The following ROBO2 variants were observed in gnomAD, a reference collection of about 807,000 sequenced individuals.
ROBO2 encodes roundabout guidance receptor 2.
ROBO2 carries 53 observed loss-of-function variants against 160.8 expected under a neutral mutation model. The ratio of observed to expected loss-of-function variants is 0.33; its 90% CI spans 0.26 to 0.41. The LOEUF is 0.41. ROBO2 is among the 10% of genes least tolerant of loss of function. ROBO2 has a pLI of 1.00. For synonymous variants in ROBO2, 664 were observed against 611.7 expected (o/e 1.09, Z -1.26); for missense variants, 1,577 against 1,722.4 (o/e 0.92, Z 1.49).
At chr3:76,805,218 G>C (rs1389406289) in intron 2 of ROBO2, among the ~76,000 whole-genome samples, 1 of 151,934 alleles carries the variant, frequency 6.6e-6, no homozygotes, top group Non-Finnish European at 1.5e-5. Flanking sequence ...GTCAATACAA[G>C]CGCCTTCCCT....
intron 2 of ROBO2, among the ~76,000 whole-genome samples, chr3:76,426,651 A>C (rs6765143): frequency 0.67 from 101,579 of 151,884 alleles, 34,767 homozygotes; most frequent in African/African-American, 0.83. Flanking sequence ...GCTTAGATGA[A>C]AGGGGTGATT....
chr3:76,954,852 T>C (rs539162831), intron 2 of ROBO2, among the ~76,000 whole-genome samples: 36 of 152,344 alleles, frequency 2.4e-4, no homozygotes, highest in African/African-American at 5.8e-4. Flanking sequence ...AGAATTTCCA[T>C]GTACACATAA....
intron 1 of ROBO2, among the ~76,000 whole-genome samples, chr3:75,929,909 G>T (rs910524547): frequency 1.3e-5 from 2 of 152,106 alleles, no homozygotes; most frequent in Admixed American, 1.3e-4. Flanking sequence ...TGGCCAGGCT[G>T]GTCTCGAACT....
At chr3:76,209,247 T>C (rs953397178) in intron 2 of ROBO2, among the ~76,000 whole-genome samples, 3 of 152,208 alleles carry the variant, frequency 2.0e-5, no homozygotes, top group Non-Finnish European at 2.9e-5. Flanking sequence ...ATTTTTGCTT[T>C]CCTGTCAGAC....
intron 2 of ROBO2, among the ~76,000 whole-genome samples, chr3:76,549,574 T>A (rs988311680): frequency 6.6e-6 from 1 of 152,252 alleles, no homozygotes. Context: ...GCAGAAAATA[T>A]GCCTGTACCT....
exon 26 of ROBO2, chr3:77,649,339 G>C (rs2095433654): frequency 6.6e-6 from 1 of 152,154 alleles, no homozygotes; most frequent in South Asian, 2.1e-4. Flanking sequence ...TTTGTAATGT[G>C]CTTTGATGGA....
intron 2 of ROBO2, among the ~76,000 whole-genome samples, chr3:76,612,969 T>A (rs1333445098): frequency 6.6e-6 from 1 of 152,190 alleles, no homozygotes. Context: ...TATATGTGTC[T>A]TTATAGGTGA....
intron 16 of ROBO2, 148 bp downstream of exon 17, chr3:77,580,266 G>GT: frequency 6.4e-6 from 5 of 781,624 alleles, no homozygotes; most frequent in South Asian, 4.5e-5. Context: ...ACTGACTAGA[G>GT]TTTTTTACAA....
At chr3:77,599,767 T>C (rs2094394981) in intron 19 of ROBO2, among the ~76,000 whole-genome samples, 1 of 152,266 alleles carries the variant, frequency 6.6e-6, no homozygotes, top group East Asian at 1.9e-4. Flanking sequence ...CATAAATCCA[T>C]ATTTTATCAA....
rs772700021 is a variant in ROBO2, at chr3:77,558,017, G to A, written c.1305G>A (p.Ala435=). ...AAACGCTGGCAGTGGATGGTACAGC[G>A]TTACTGAAATGTAAAGCCACTGGTG... Residue 435 remains alanine (A), a synonymous_variant, in exon 9 of 26, where the codon GCG becomes GCA. Coordinates refer to ENST00000461745, the Ensembl canonical transcript of ROBO2. 1.5e-5 allele frequency: 24 copies of A among 1,613,046 alleles called. No homozygotes were observed. The highest frequency in any genetic ancestry group is 1.6e-4 in the Middle Eastern group (1 of 6,080).
chr3:76,912,177 T>C (rs1214792862), intron 2 of ROBO2, among the ~76,000 whole-genome samples: 1 of 152,124 alleles, frequency 6.6e-6, no homozygotes, highest in Non-Finnish European at 1.5e-5. Flanking sequence ...TTTGCTTTCT[T>C]CTCTGTAACA....
intron 2 of ROBO2, among the ~76,000 whole-genome samples, chr3:76,835,205 A>G (rs919585220): frequency 1.4e-4 from 21 of 151,672 alleles, no homozygotes; most frequent in Non-Finnish European, 2.9e-4. Flanking sequence ...AAAAATTGGG[A>G]ATTTTTATCG....
chr3:77,640,200 C>T (rs965091044), intron 24 of ROBO2, among the ~76,000 whole-genome samples: 3 of 149,078 alleles, frequency 2.0e-5, no homozygotes, highest in Non-Finnish European at 3.0e-5. Context: ...CAAGATCCGC[C>T]TCCCGGGTTC....
intron 2 of ROBO2, among the ~76,000 whole-genome samples, chr3:76,942,067 CAA>C (rs2078223194): frequency 6.6e-6 from 1 of 151,994 alleles, no homozygotes; most frequent in Non-Finnish European, 1.5e-5. Flanking sequence ...GTTTTATTTC[CAA>C]AAGTTACAGC....
At chr3:77,522,963 T>C in intron 6 of ROBO2, 61 bp downstream of exon 6, 2 of 1,582,314 alleles carry the variant, frequency 1.3e-6, no homozygotes, top group Non-Finnish European at 1.7e-6. Context: ...GTTAAATTGG[T>C]AAGTGAACTT....
intron 4 of ROBO2, among the ~76,000 whole-genome samples, chr3:77,483,532 T>A (rs1054077938): frequency 1.3e-5 from 2 of 151,734 alleles, no homozygotes; most frequent in Admixed American, 1.3e-4. Flanking sequence ...TACTTCATAC[T>A]CTACCTCCCT....
At position 76,152,648 on chromosome 3, in the gene ROBO2, C is replaced by T. The variant is rs1343868486; in HGVS notation, c.109+215046C>T. On this transcript the variant is annotated intron_variant, in intron 2 of 26. Transcript: ENST00000487694. ...GTGAGGAATCAGTTTATCATTTAAGCCCCCAGTGAATTCTTACAAATTGGC... is the reference window on the plus strand; with the variant it reads ...GTGAGGAATCAGTTTATCATTTAAGTCCCCAGTGAATTCTTACAAATTGGC... Among the ~76,000 whole-genome samples, 3 of 151,922 alleles carry T rather than the reference C, an allele frequency of 2.0e-5. No homozygotes were observed. The East Asian group carries it at 5.8e-4, about 29-fold the overall frequency.
At chr3:77,075,055 TAAATC>T (rs1458444742) in intron 1 of ROBO2, among the ~76,000 whole-genome samples, 1 of 152,176 alleles carries the variant, frequency 6.6e-6, no homozygotes, top group Non-Finnish European at 1.5e-5. Flanking sequence ...AAATGATTAA[TAAATC>T]AAAAAGGTGA....
intron 2 of ROBO2, among the ~76,000 whole-genome samples, chr3:76,352,020 C>A (rs2074907294): frequency 6.6e-6 from 1 of 151,994 alleles, no homozygotes; most frequent in African/African-American, 2.4e-5. Flanking sequence ...TAAGTTAGTT[C>A]TAACACATTC....
Sources: allele counts gnomAD v4.1 joint callset (sites outside exome capture counted in the v4.1 genomes callset), GRCh38; gene constraint gnomAD v4.1.1; transcripts MANE v1.5; gene names NCBI Gene and HGNC (gene_info 2026-07-23, HGNC 2026-07-21).